Variants in RNF145 observed in about 807,000 individuals in gnomAD.
RNF145 encodes ring finger protein 145.
A neutral mutation model predicts 57.3 loss-of-function variants in RNF145; 12 were observed. That is an observed-to-expected ratio of 0.21 (90% CI 0.13 to 0.34). The LOEUF (loss-of-function observed/expected upper bound fraction) is 0.34. Among genes scored for constraint, RNF145 ranks in the 10% least tolerant of loss-of-function variants. The pLI, the probability that RNF145 is intolerant of heterozygous loss-of-function variation, is 1.00. For missense variants in RNF145, 429 were observed against 799.0 expected (o/e 0.54, Z 5.58); for synonymous variants, 262 against 288.3 (o/e 0.91, Z 0.92).
intron 4 of RNF145, 115 bp downstream of exon 4, chr5:159,181,845 C>A: frequency 2.4e-5 from 15 of 625,074 alleles, no homozygotes; most frequent in South Asian, 4.4e-5. Context: ...GGGAAAAGTC[C>A]CCATGAATCA....
chr5:159,182,738 C>G (rs1784933284), intron 3 of RNF145, among the ~76,000 whole-genome samples: 1 of 152,046 alleles, frequency 6.6e-6, no homozygotes, highest in African/African-American at 2.4e-5. Context: ...ACTCAGAAAA[C>G]AGGCAGGAAG....
intron 1 of RNF145, chr5:159,207,555 T>C: frequency 1.3e-6 from 2 of 1,589,024 alleles, no homozygotes; most frequent in Non-Finnish European, 1.7e-6. Context: ...AAAAGTAAAT[T>C]TTCGGGCTGT....
At chr5:159,207,318 ATT>A (rs1209930500) in intron 1 of RNF145, among the ~76,000 whole-genome samples, 1 of 152,138 alleles carries the variant, frequency 6.6e-6, no homozygotes, top group Non-Finnish European at 1.5e-5. Context: ...GTGATTTTTT[ATT>A]TCTCTTATTT....
chr5:159,191,075 T>C (rs1407366720), intron 3 of RNF145, among the ~76,000 whole-genome samples: 1 of 141,102 alleles, frequency 7.1e-6, no homozygotes, highest in African/African-American at 2.6e-5. Context: ...CAATAGCTGA[T>C]GAGCAAAAAA....
At chr5:159,187,571 C>A (rs1224315674) in intron 3 of RNF145, among the ~76,000 whole-genome samples, 1 of 152,224 alleles carries the variant, frequency 6.6e-6, no homozygotes, top group South Asian at 2.1e-4. Flanking sequence ...TTGTGATTCA[C>A]CCGCCTCAGC....
intron 3 of RNF145, among the ~76,000 whole-genome samples, chr5:159,187,571 C>T (rs1224315674): frequency 6.6e-6 from 1 of 152,106 alleles, no homozygotes. Flanking sequence ...TTGTGATTCA[C>T]CCGCCTCAGC....
chr5:159,195,243 T>A lies in RNF145; in HGVS notation c.185-419A>T, dbSNP rs1320001783. Among the ~76,000 whole-genome samples the A allele has an allele frequency of 2.6e-5, 4 of 152,124 alleles. No homozygotes were observed. In the East Asian group the frequency reaches 5.8e-4, roughly 22 times the overall value. ...CCTTATTTCTCCAACCCCTGAAGAC[T>A]CTCTATCTCCTATACTTTCAGTCGT... On this transcript the variant is annotated intron_variant, in intron 2 of 10. Transcript: ENST00000424310.
chr5:159,199,310 A>G (rs1175145958), intron 2 of RNF145, among the ~76,000 whole-genome samples: 3 of 152,116 alleles, frequency 2.0e-5, no homozygotes, highest in Admixed American at 6.5e-5. Flanking sequence ...ATTGTGGGCA[A>G]TATCAACACT....
At chr5:159,209,728 C>A, upstream of RNF145, 1 of 1,116,888 alleles carries the variant, frequency 9.0e-7, no homozygotes, top group South Asian at 1.4e-5. Context: ...CAGCCCGGCT[C>A]GGGTGGCTAT....
intron 1 of RNF145, among the ~76,000 whole-genome samples, chr5:159,208,952 G>A (rs1444414155): frequency 6.6e-6 from 1 of 151,716 alleles, no homozygotes; most frequent in Non-Finnish European, 1.5e-5. Context: ...CTGGAACAGA[G>A]GGGGCTTTGC....
intron 3 of RNF145, among the ~76,000 whole-genome samples, chr5:159,194,361 G>A (rs1189513134): frequency 1.3e-5 from 2 of 152,072 alleles, no homozygotes; most frequent in African/African-American, 2.4e-5. Flanking sequence ...TAGTAGAGAC[G>A]AGGTTTCACC....
intron 3 of RNF145, among the ~76,000 whole-genome samples, chr5:159,187,116 A>G (rs1785093695): frequency 6.6e-6 from 1 of 151,148 alleles, no homozygotes; most frequent in East Asian, 2.0e-4. Context: ...GCCTGTCTAT[A>G]CTAAAAATAC....
chr5:159,198,004 G>T (rs1210355814), intron 2 of RNF145, among the ~76,000 whole-genome samples: 1 of 152,052 alleles, frequency 6.6e-6, no homozygotes, highest in Non-Finnish European at 1.5e-5. Flanking sequence ...ACTTTGGGAG[G>T]CCAAAGCAGA....
intron 1 of RNF145, among the ~76,000 whole-genome samples, chr5:159,208,529 G>A (rs986224414): frequency 9.2e-5 from 14 of 152,076 alleles, no homozygotes; most frequent in Non-Finnish European, 1.3e-4. Context: ...GGGATGAGGA[G>A]CCCTCTTACT....
intron 6 of RNF145, 130 bp from the exon 7 acceptor site, chr5:159,169,949 G>T: frequency 1.6e-6 from 1 of 642,454 alleles, no homozygotes; most frequent in South Asian, 2.6e-5. Context: ...CAAAATTTGA[G>T]GAGAAATCAC....
In RNF145 at chr5:159,176,650, T is replaced by A. The variant is rs754275325; in HGVS notation, c.603A>T (p.Ala201=). 19 of 1,607,392 alleles carry A rather than the reference T, an allele frequency of 1.2e-5. No homozygotes were observed. Among genetic ancestry groups the A allele is most frequent in the Non-Finnish European group, 1.3e-5 (15 of 1,174,474 alleles). Residue 201 remains alanine, a synonymous_variant, in exon 5 of 11, where the codon GCA becomes GCT. Coordinates refer to ENST00000424310, the MANE Select transcript of RNF145 (RefSeq NM_001199383.2). ...GTCTTACCTGAACCAATTCTCTGTATGCAGATTTAGCAAGGTTATAAGGTA... is the reference window on the plus strand; with the variant it reads ...GTCTTACCTGAACCAATTCTCTGTAAGCAGATTTAGCAAGGTTATAAGGTA... ...LLVPYNLAKS[A]YRELVQVVEV...
intron 1 of RNF145, among the ~76,000 whole-genome samples, chr5:159,206,000 C>T (rs1785867292): frequency 6.6e-6 from 1 of 152,154 alleles, no homozygotes; most frequent in Non-Finnish European, 1.5e-5. Flanking sequence ...TACAGAGGAT[C>T]ATCTCTATTA....
chr5:159,205,338 G>C (rs994264672), intron 1 of RNF145, among the ~76,000 whole-genome samples: 2 of 152,126 alleles, frequency 1.3e-5, no homozygotes, highest in African/African-American at 4.8e-5. Flanking sequence ...AAGGAAAAAT[G>C]CACTGAAAAA....
intron 9 of RNF145, among the ~76,000 whole-genome samples, chr5:159,162,578 G>A (rs1486704990): frequency 6.6e-6 from 1 of 151,556 alleles, no homozygotes; most frequent in Non-Finnish European, 1.5e-5. Context: ...GGGACTACAG[G>A]CGCCCGCCAC....
Sources: gnomAD v4.1 joint callset for allele counts (sites outside exome capture counted in the v4.1 genomes callset) on GRCh38, gnomAD v4.1.1 for gene constraint, MANE v1.5 for transcripts, NCBI Gene and HGNC (gene_info 2026-07-23, HGNC 2026-07-21) for gene names.